The following QRICH2 variants were observed in gnomAD, a reference collection of about 807,000 sequenced individuals.
QRICH2 encodes glutamine rich 2.
Under a neutral mutation model 168.3 loss-of-function variants are expected in QRICH2, and 119 were observed. That is an observed-to-expected ratio of 0.71 (90% CI 0.61 to 0.82). The LOEUF (loss-of-function observed/expected upper bound fraction) is 0.82, where lower values mean the gene tolerates loss of function less well. Among genes scored for constraint, QRICH2 ranks in the 40% least tolerant of loss-of-function variants. The probability of loss-of-function intolerance (pLI) is 0.00; values close to 1 mark genes in which losing one functional copy is unlikely to be tolerated. For synonymous variants in QRICH2, 894 were observed against 951.2 expected (o/e 0.94, Z 1.11); for missense variants, 2,241 against 2,491.6 (o/e 0.90, Z 2.14).
rs546308890 is a variant in QRICH2 at position 76,302,513 on chromosome 17, G to C, written c.705+1902C>G. Among the ~76,000 whole-genome samples, 6 of 152,292 alleles carry C rather than the reference G, an allele frequency of 3.9e-5. No homozygotes were observed. The South Asian group carries it at 1.0e-3, about 26-fold the overall frequency. ...ACAATTAAGGATCTTGAGACGGAGG[G>C]AGTATCCCGGATTATCCGGGTGGAT... On this transcript the variant is annotated intron_variant, in intron 3 of 18. Coordinates refer to ENST00000680821, the MANE Select transcript of QRICH2 (RefSeq NM_001388453.1).
At chr17:76,305,065 TCA>T (rs991908117) in intron 1 of QRICH2, 124 bp from the exon 2 acceptor site, 5 of 745,854 alleles carry the variant, frequency 6.7e-6, no homozygotes, top group African/African-American at 5.1e-5. Flanking sequence ...ACACGCACAT[TCA>T]CACACTGACT....
chr17:76,278,754 C>G (rs1270720568), intron 14 of QRICH2, among the ~76,000 whole-genome samples: 3 of 152,248 alleles, frequency 2.0e-5, no homozygotes, highest in African/African-American at 7.2e-5. Context: ...GAGGAGCTCT[C>G]AGAGGCAGCT....
At chr17:76,282,904 G>A (rs903337032) in intron 7 of QRICH2, among the ~76,000 whole-genome samples, 14 of 152,226 alleles carry the variant, frequency 9.2e-5, no homozygotes, top group South Asian at 2.1e-4. Flanking sequence ...ACTGCAGAGC[G>A]CGAGGGAGAG....
chr17:76,274,170 G>A lies in QRICH2; in HGVS notation c.5573C>T (p.Ala1858Val). The change falls in exon 19 of 19, where the codon GCA becomes GTA. Residue 1858 changes from alanine (A) to valine (V), a missense_variant. This residue lies in a region of QRICH2 where 189 missense variants were observed against 169.3 expected (regional missense o/e 1.12). Coordinates refer to ENST00000680821, the MANE Select transcript of QRICH2 (RefSeq NM_001388453.1). ...CACGTGCCTCTCCAGCCCCCTGTTT[G>A]CCACCGCGGCGGAGCTGGGCGGGTG... is the stretch of plus-strand genomic sequence containing the variant. Reference protein sequence around the residue: ...TAHPPSSAAVANRGLERHVDM... With the variant: ...TAHPPSSAAVVNRGLERHVDM... 6.3e-7 allele frequency: 1 copy of A among 1,583,516 alleles called. No homozygotes were observed. Among genetic ancestry groups the A allele is most frequent in the Non-Finnish European group, 8.5e-7 (1 of 1,170,358 alleles).
In QRICH2 at chr17:76,275,836, G is replaced by A. The variant is rs757542078; in HGVS notation, c.5465C>T (p.Ser1822Leu). ...GAAGCTACCTGAGGTGTTGCCAGCC[G>A]AAATCTGGGCGCTCTGTGGCCGAGA... ...LPSRPQSAQI[S>L]AGNTSVSSRQ... The change falls in exon 18 of 19, where the codon TCG becomes TTG. Residue 1822 changes from serine (S) to leucine (L), a missense_variant. Transcript: ENST00000680821. 35 of 1,606,700 alleles carry A rather than the reference G, an allele frequency of 2.2e-5. No individual in the cohort carries two copies. The Middle Eastern group carries it at 8.2e-4, about 38-fold the overall frequency.
In QRICH2 at chr17:76,292,622, T is replaced by G; in HGVS notation, c.2105A>C (p.Gln702Pro). 1.2e-6 allele frequency: 2 copies of G among 1,613,614 alleles called. No individual in the cohort carries two copies. The highest frequency in any genetic ancestry group is 1.1e-5 in the South Asian group (1 of 91,076). Residue 702 changes from glutamine to proline, a missense_variant, in exon 4 of 19, where the codon CAA becomes CCA. By Grantham distance (76) the Gln-to-Pro change is moderately conservative. Around this residue, in one of 3 missense-constraint regions of QRICH2, gnomAD observed 2,047 missense variants for 2,303.8 expected, o/e 0.89. Transcript: ENST00000680821. ...CAAACCATGCTGATCTGCACCAGGT[T>G]GCACCACATCAATCTGATCTGCACC... ...QPGADQIDVV[Q>P]PGADQHGLVQ...
At chr17:76,277,767 C>T (rs184880290) in intron 15 of QRICH2, among the ~76,000 whole-genome samples, 1 of 152,022 alleles carries the variant, frequency 6.6e-6, no homozygotes, top group East Asian at 1.9e-4. Flanking sequence ...CGCACTCATA[C>T]ACACACACCC....
intron 18 of QRICH2, 86 bp from the exon 19 acceptor site, chr17:76,274,346 T>C (rs772192258): frequency 2.1e-5 from 29 of 1,398,720 alleles, no homozygotes; most frequent in Non-Finnish European, 2.7e-5. Flanking sequence ...CCAGGGAGGT[T>C]GAGAGCAGTT....
chr17:76,283,655 CCT>C (rs572749502), intron 7 of QRICH2, among the ~76,000 whole-genome samples: 10,106 of 138,862 alleles, frequency 0.073, 1,383 homozygotes, highest in African/African-American at 0.27. Context: ...GGGTGGATCA[CCT>C]GAGGTCAGGA....
At chr17:76,304,090 T>C (rs1276175324) in intron 3 of QRICH2, among the ~76,000 whole-genome samples, 1 of 151,994 alleles carries the variant, frequency 6.6e-6, no homozygotes, top group Non-Finnish European at 1.5e-5. Flanking sequence ...AAAAATTGGG[T>C]ACCAACCATA....
chr17:76,308,601 C>T (rs2071026314), upstream of QRICH2: 1 of 509,060 alleles, frequency 2.0e-6, no homozygotes, highest in African/African-American at 2.1e-5. Flanking sequence ...AGTCCTGGGG[C>T]CCTGGTCCCC....
At chr17:76,299,547 G>T (rs2070860990) in intron 3 of QRICH2, among the ~76,000 whole-genome samples, 1 of 151,932 alleles carries the variant, frequency 6.6e-6, no homozygotes, top group African/African-American at 2.4e-5. Context: ...GCCCAGCCTG[G>T]ACAACATGGT....
Position 76,307,474 on chromosome 17 carries a change from G to A in QRICH2, c.525C>T (p.Ser175=). ...SIMKDAAEEL[S]FARVLLQRVD... is the part of the protein sequence containing the mutation. ...CCGTGTGCGTGCTCACCCTGGCAAAGCTGAGCTCCTCGGCGGCGTCCTTCA... is the reference window on the plus strand; with the variant it reads ...CCGTGTGCGTGCTCACCCTGGCAAAACTGAGCTCCTCGGCGGCGTCCTTCA... Residue 175 remains serine (S), a synonymous_variant, in exon 1 of 19, where the codon AGC becomes AGT. Coordinates refer to ENST00000680821, the MANE Select transcript of QRICH2 (RefSeq NM_001388453.1). The surrounding 1 kb of genome is among the most constrained non-coding windows in gnomAD (Gnocchi z 5.3). 2 of 1,613,804 alleles carry A rather than the reference G, an allele frequency of 1.2e-6. No individual in the cohort carries two copies. Among genetic ancestry groups the A allele is most frequent in the Non-Finnish European group, 8.5e-7 (1 of 1,179,840 alleles).
At chr17:76,277,776 C>A (rs1269552567) in intron 15 of QRICH2, among the ~76,000 whole-genome samples, 1 of 151,834 alleles carries the variant, frequency 6.6e-6, no homozygotes, top group Non-Finnish European at 1.5e-5. Flanking sequence ...ACACACACAC[C>A]CTTACACACA....
Position 76,278,025 on chromosome 17 carries a change from A to G in QRICH2, c.5081T>C (p.Leu1694Pro), listed in dbSNP as rs2070720226. ...GGGGGAGCCCAGGCACTGGGCGTGC[A>G]GCAGCTCGCGGATTATCTGGCTGCT... ...KASSQIIREL[L>P]HAQCLGSPCY... Residue 1694 changes from leucine to proline, a missense_variant, in exon 15 of 19, where the codon CTG becomes CCG. Transcript: ENST00000680821. The G allele has an allele frequency of 6.2e-7, 1 of 1,613,298 alleles. No homozygotes were observed. The highest frequency in any genetic ancestry group is 1.3e-5 in the African/African-American group (1 of 74,946).
In QRICH2 at chr17:76,287,852, C is replaced by A; in HGVS notation, c.3844G>T (p.Ala1282Ser). The change falls in exon 6 of 19, where the codon GCA (alanine) becomes TCA (serine). Residue 1282 changes from alanine (A) to serine (S), a missense_variant. Around this residue, in one of 3 missense-constraint regions of QRICH2, gnomAD observed 2,047 missense variants for 2,303.8 expected, o/e 0.89. Coordinates refer to ENST00000680821, the MANE Select transcript of QRICH2 (RefSeq NM_001388453.1). ...TCTCCAGCTTTCAGTTCCTTCCCTG[C>A]TTCTTGATTCCCTTCCCCTTCCAGG... ...RILEGEGNQE[A>S]GKELKAGELR... 6.2e-7 allele frequency: 1 copy of A among 1,614,104 alleles called. No homozygotes were observed. Among genetic ancestry groups the A allele is most frequent in the Non-Finnish European group, 8.5e-7 (1 of 1,180,000 alleles).
Position 76,291,255 on chromosome 17 carries a change from G to C in QRICH2, c.3472C>G (p.Pro1158Ala), listed in dbSNP as rs766607752. 3.1e-6 allele frequency: 5 copies of C among 1,614,212 alleles called. No homozygotes were observed. In the East Asian group the frequency reaches 1.1e-4, roughly 36 times the overall value. ...GATAAGACTCGGTCGACGGAGTCTGGACTCCTGAAAAGAGTGACATCTTGG... is the reference window on the plus strand; with the variant it reads ...GATAAGACTCGGTCGACGGAGTCTGCACTCCTGAAAAGAGTGACATCTTGG... The part of the protein sequence containing the change: ...PGQDVTLFRS[P>A]DSVDRVLSEG... Residue 1158 changes from proline to alanine, a missense_variant, in exon 4 of 19, where the codon CCA becomes GCA. Transcript: ENST00000680821.
chr17:76,297,247 C>T (rs546344606), intron 3 of QRICH2, among the ~76,000 whole-genome samples: 2 of 152,256 alleles, frequency 1.3e-5, no homozygotes, highest in East Asian at 3.9e-4. Context: ...TGTCCCACAC[C>T]GGTAATCCCA....
chr17:76,293,051 C>A lies in QRICH2; in HGVS notation c.1676G>T (p.Gly559Val). ...GFVQPSLEAT[G>V]FIQPGTEQHD... ...CTGCTCTGTGCCAGGTTGTATGAAGCCAGTTGCTTCCAAACTGGGCTGCAC... is the reference window on the plus strand; with the variant it reads ...CTGCTCTGTGCCAGGTTGTATGAAGACAGTTGCTTCCAAACTGGGCTGCAC... The change falls in exon 4 of 19, where the codon GGC becomes GTC. Residue 559 changes from glycine (G) to valine (V), a missense_variant. Coordinates refer to ENST00000680821, the MANE Select transcript of QRICH2 (RefSeq NM_001388453.1). 6.2e-7 allele frequency: 1 copy of A among 1,614,210 alleles called. No homozygotes were observed. The highest frequency in any genetic ancestry group is 8.5e-7 in the Non-Finnish European group (1 of 1,180,034).
Sources: gnomAD v4.1 joint callset for allele counts (sites outside exome capture counted in the v4.1 genomes callset) on GRCh38, gnomAD v4.1.1 for gene constraint, gnomAD v4.1.1 regional missense constraint, Gnocchi (gnomAD v3.1) non-coding constraint, MANE v1.5 for transcripts, NCBI Gene and HGNC (gene_info 2026-07-23, HGNC 2026-07-21) for gene names.